The following TBC1D20 variants were observed in gnomAD, a reference collection of about 807,000 sequenced individuals.
TBC1D20 encodes the protein TBC1 domain family member 20, also known as chromosome 20 open reading frame 140.
Under a neutral mutation model 41.6 loss-of-function variants are expected in TBC1D20, and 12 were observed. The ratio of observed to expected loss-of-function variants is 0.29; its 90% CI spans 0.18 to 0.47. The LOEUF (loss-of-function observed/expected upper bound fraction) is 0.47, where lower values mean the gene tolerates loss of function less well. Among genes scored for constraint, TBC1D20 ranks in the 20% least tolerant of loss-of-function variants. The pLI is 1.00. For synonymous variants in TBC1D20, 205 were observed against 204.8 expected (o/e 1.00, Z -0.01); for missense variants, 421 against 517.4 (o/e 0.81, Z 1.81).
intron 2 of TBC1D20, among the ~76,000 whole-genome samples, chr20:446,655 TTG>T (rs1173659050): frequency 6.6e-6 from 1 of 152,038 alleles, no homozygotes; most frequent in Non-Finnish European, 1.5e-5. Flanking sequence ...GAGGGTGTTT[TTG>T]TGTGTGTTTA....
At chr20:440,126 A>G in intron 6 of TBC1D20, 122 bp downstream of exon 6, 1 of 1,308,882 alleles carries the variant, frequency 7.6e-7, no homozygotes, top group South Asian at 1.5e-5. Context: ...GTCCAGGGAC[A>G]CCAGCCTGGG....
At chr20:456,495 C>T (rs990298438) in intron 1 of TBC1D20, among the ~76,000 whole-genome samples, 2 of 152,182 alleles carry the variant, frequency 1.3e-5, no homozygotes, top group Non-Finnish European at 2.9e-5. Context: ...ACAGTAGGGA[C>T]ACAAACAATT....
intron 5 of TBC1D20, chr20:441,245 AC>A (rs772137186): frequency 6.3e-5 from 14 of 220,630 alleles, no homozygotes; most frequent in Non-Finnish European, 1.1e-4. Context: ...AAATAAAACA[AC>A]CCATTGTTGG....
chr20:459,033 C>T (rs2017587917), intron 1 of TBC1D20, among the ~76,000 whole-genome samples: 1 of 152,158 alleles, frequency 6.6e-6, no homozygotes, highest in Non-Finnish European at 1.5e-5. Context: ...TGTATAGGCT[C>T]TCACTGTGAC....
chr20:458,138 G>A (rs2017572993), intron 1 of TBC1D20, among the ~76,000 whole-genome samples: 1 of 151,962 alleles, frequency 6.6e-6, no homozygotes, highest in Non-Finnish European at 1.5e-5. Flanking sequence ...TTCTAAATAA[G>A]CTATTCGGCA....
intron 3 of TBC1D20, among the ~76,000 whole-genome samples, chr20:444,756 G>A (rs907873289): frequency 3.9e-5 from 6 of 152,090 alleles, no homozygotes; most frequent in Non-Finnish European, 8.8e-5. Flanking sequence ...ACACCAATCT[G>A]CTCTTTAATG....
chr20:443,501 G>T (rs1366824779), intron 3 of TBC1D20, among the ~76,000 whole-genome samples: 1 of 152,102 alleles, frequency 6.6e-6, no homozygotes, highest in Non-Finnish European at 1.5e-5. Flanking sequence ...CTAATGTAAG[G>T]GCCCAAACTA....
chr20:440,400 AG>A lies in TBC1D20; in HGVS notation c.627-12del. ...GTCCCTACCTCAGCACTAGAAACAAAGGAAAGGCAGGTGTCAGGTCCTGTGG... is the reference window on the plus strand; with the variant it reads ...GTCCCTACCTCAGCACTAGAAACAAAGAAAGGCAGGTGTCAGGTCCTGTGG... On this transcript the variant is annotated splice_polypyrimidine_tract_variant and intron_variant, in intron 5 of 7. Transcript: ENST00000354200. The A allele has an allele frequency of 6.2e-7, 1 of 1,613,970 alleles. No homozygotes were observed. The highest frequency in any genetic ancestry group is 8.5e-7 in the Non-Finnish European group (1 of 1,179,892).
At position 447,193 on chromosome 20, in the gene TBC1D20, C is replaced by T. The variant is rs2017351683; in HGVS notation, c.256+696G>A. Among the ~76,000 whole-genome samples the T allele has an allele frequency of 3.3e-5, 5 of 149,272 alleles. No individual in the cohort carries two copies. In the South Asian group the frequency reaches 1.1e-3, roughly 32 times the overall value. On this transcript the variant is annotated intron_variant, in intron 2 of 7. Transcript: ENST00000354200. ...GCCAGGCTGGTCTTGAACTTCTGAC[C>T]TCAAGATCCACCTGCCTCAGCCTCC...
chr20:457,394 A>T (rs1230672512), intron 1 of TBC1D20, among the ~76,000 whole-genome samples: 2 of 151,934 alleles, frequency 1.3e-5, no homozygotes, highest in Non-Finnish European at 2.9e-5. Context: ...AATTTTAAAA[A>T]AATTTTTTGT....
chr20:440,625 A>C (rs572084807), intron 5 of TBC1D20: 1 of 446,062 alleles, frequency 2.2e-6, no homozygotes, highest in African/African-American at 2.0e-5. Flanking sequence ...GTGCTCGCCT[A>C]CTGGCCAACA....
chr20:441,310 A>G, intron 5 of TBC1D20: 1 of 354,894 alleles, frequency 2.8e-6, no homozygotes, highest in Non-Finnish European at 5.1e-6. Context: ...TCTTGTGGCA[A>G]TAACCTCAAC....
intron 2 of TBC1D20, 123 bp from the exon 3 acceptor site, chr20:445,253 T>C: frequency 4.4e-6 from 3 of 689,564 alleles, no homozygotes; most frequent in Admixed American, 2.4e-5. Context: ...GAGGATGATA[T>C]GACTCAAGAT....
Sources: gnomAD v4.1 joint callset for allele counts (sites outside exome capture counted in the v4.1 genomes callset) on GRCh38, gnomAD v4.1.1 for gene constraint, MANE v1.5 for transcripts, NCBI Gene and HGNC (gene_info 2026-07-23, HGNC 2026-07-21) for gene names.